Variants in GADL1 observed in about 807,000 individuals in gnomAD.
GADL1 encodes the protein acidic amino acid decarboxylase GADL1.
Under a neutral mutation model 69.5 loss-of-function variants are expected in GADL1, and 71 were observed. The ratio of observed to expected loss-of-function variants is 1.02; its 90% confidence interval spans 0.84 to 1.25. The LOEUF (loss-of-function observed/expected upper bound fraction) is 1.25. Ranked by LOEUF, GADL1 falls within the 50% of genes most tolerant of loss-of-function variation. The pLI, the probability that GADL1 is intolerant of heterozygous loss-of-function variation, is 0.00. For missense variants in GADL1, 737 were observed against 631.8 expected, an observed-to-expected ratio of 1.17 and a Z score of -1.79; for synonymous variants, 254 against 214.4, an observed-to-expected ratio of 1.18 and a Z score of -1.62.
chr3:30,816,752 G>C (rs1697484318), intron 11 of GADL1, among the ~76,000 whole-genome samples: 1 of 151,254 alleles, frequency 6.6e-6, no homozygotes, highest in Non-Finnish European at 1.5e-5. Context: ...CACCACGTTG[G>C]CCAGACTGGT....
At chr3:30,785,037 G>C (rs1696757562) in intron 13 of GADL1, among the ~76,000 whole-genome samples, 1 of 152,052 alleles carries the variant, frequency 6.6e-6, no homozygotes, top group Non-Finnish European at 1.5e-5. Context: ...TCAGGTCTCA[G>C]CTCAAAGATA....
chr3:30,758,893 G>A (rs1343266858), intron 14 of GADL1, among the ~76,000 whole-genome samples: 5 of 152,068 alleles, frequency 3.3e-5, no homozygotes, highest in African/African-American at 1.2e-4. Context: ...AATATATAGG[G>A]GATTTGAGTC....
rs929612045 is a variant in GADL1, at chr3:30,801,868, C to A, written c.1051-780G>T. 7.2e-5 allele frequency among the ~76,000 whole-genome samples: 11 copies of A among 152,164 alleles called. No individual in the cohort carries two copies. The East Asian group carries it at 1.9e-3, about 27-fold the overall frequency. On this transcript the variant is annotated intron_variant, in intron 11 of 14. Transcript: ENST00000282538. ...TCAATCATTTACAGCCCTGACAACT[C>A]CCCCAAAATATTTTAGATCCTTATG...
At chr3:30,864,319 T>C (rs1279346885) in intron 1 of GADL1, among the ~76,000 whole-genome samples, 1 of 151,850 alleles carries the variant, frequency 6.6e-6, no homozygotes, top group Non-Finnish European at 1.5e-5. Context: ...AGCAGCTCTA[T>C]AGCCTGCTCA....
chr3:30,864,511 C>G (rs1204290484), intron 1 of GADL1, among the ~76,000 whole-genome samples: 1 of 151,958 alleles, frequency 6.6e-6, no homozygotes, highest in African/African-American at 2.4e-5. Context: ...ACACAATTAT[C>G]TAGGAGAAAA....
chr3:30,781,211 A>T (rs1696658608), intron 13 of GADL1, among the ~76,000 whole-genome samples: 2 of 152,236 alleles, frequency 1.3e-5, no homozygotes, highest in Admixed American at 6.5e-5. Context: ...GTAATGTGCC[A>T]TTAAAGAATG....
In GADL1 at chr3:30,778,161, C is replaced by A. The variant is rs771154840; in HGVS notation, c.1392+18G>T. 12 of 1,385,580 alleles carry A rather than the reference C, an allele frequency of 8.7e-6. No homozygotes were observed. In the South Asian group the frequency reaches 1.4e-4, roughly 16 times the overall value. 85.8% of individuals were successfully genotyped at this position (1,385,580 alleles called of 1,614,324 possible). A position where few individuals can be genotyped will look rare whatever the true frequency, so the allele number is the denominator to read the frequency against. On this transcript the variant is annotated intron_variant, in intron 14 of 14. Transcript: ENST00000282538. ...TCTACTTCATCAAAAAGAAAAATAC[C>A]ATTTACTTATTACTTACCAAATTAA...
intron 14 of GADL1, among the ~76,000 whole-genome samples, chr3:30,760,158 A>AAG (rs1696093676): frequency 6.6e-6 from 1 of 152,168 alleles, no homozygotes; most frequent in Non-Finnish European, 1.5e-5. Flanking sequence ...CCAGAAAGAG[A>AAG]AGGCATACCC....
intron 13 of GADL1, among the ~76,000 whole-genome samples, 160 bp from the exon 14 acceptor site, chr3:30,778,428 T>C (rs904935038): frequency 6.6e-6 from 1 of 152,200 alleles, no homozygotes; most frequent in Non-Finnish European, 1.5e-5. Flanking sequence ...GCCTTCTTGA[T>C]AACATCCTAT....
intron 14 of GADL1, among the ~76,000 whole-genome samples, chr3:30,757,477 T>C (rs1187917767): frequency 3.9e-5 from 6 of 152,238 alleles, no homozygotes; most frequent in Admixed American, 3.9e-4. Flanking sequence ...AGTCTCTTTA[T>C]GAGCAGGTAT....
chr3:30,844,610 C>T, intron 6 of GADL1, 144 bp from the exon 7 acceptor site: 1 of 635,892 alleles, frequency 1.6e-6, no homozygotes, highest in Non-Finnish European at 2.8e-6. Context: ...TAATTGAGCT[C>T]CTTAGCATAG....
At chr3:30,837,115 CAGA>C (rs928003762) in intron 9 of GADL1, among the ~76,000 whole-genome samples, 2 of 151,310 alleles carry the variant, frequency 1.3e-5, no homozygotes, top group Non-Finnish European at 2.9e-5. Flanking sequence ...ACTGAAAACC[CAGA>C]AGAACAAGTA....
intron 1 of GADL1, among the ~76,000 whole-genome samples, chr3:30,894,349 T>C (rs994744659): frequency 7.9e-5 from 12 of 152,230 alleles, no homozygotes; most frequent in Admixed American, 4.6e-4. Context: ...CCGTTATGTC[T>C]TAGGCGCGGT....
At position 30,786,405 on chromosome 3, in the gene GADL1, AC is replaced by A; in HGVS notation, c.1251del (p.Arg417SerfsTer3). The A allele has an allele frequency of 7.0e-7, 1 of 1,431,358 alleles. No homozygotes were observed. Among genetic ancestry groups the A allele is most frequent in the Non-Finnish European group, 9.8e-7 (1 of 1,016,458 alleles). The allele number at this position is 1,431,358 out of a possible 1,614,324, so 88.7% of individuals were successfully genotyped here. ...CTTTTCTTGATTTCATCTACTAGGT[AC>A]CTAAAATTAAAAGTCACAATAATAT... ...ERVNRALALS[R>X]YLVDEIKKRE... On this transcript the variant is annotated frameshift_variant and splice_region_variant, in exon 13 of 15. Transcript: ENST00000282538. LOFTEE classifies it high-confidence loss of function.
At chr3:30,740,337 A>T (rs1695599137) in intron 14 of GADL1, among the ~76,000 whole-genome samples, 2 of 152,164 alleles carry the variant, frequency 1.3e-5, no homozygotes, top group Admixed American at 6.5e-5. Flanking sequence ...AGCTAAGGGA[A>T]TTCCTACATG....
chr3:30,809,939 C>G (rs148550985), intron 11 of GADL1, among the ~76,000 whole-genome samples: 206 of 152,242 alleles, frequency 1.4e-3, no homozygotes, highest in African/African-American at 4.7e-3. Flanking sequence ...TATAAGGAGA[C>G]AACAATCTTG....
chr3:30,809,331 G>C (rs535911722), intron 11 of GADL1, among the ~76,000 whole-genome samples: 7 of 152,236 alleles, frequency 4.6e-5, no homozygotes, highest in African/African-American at 1.7e-4. Context: ...AGCTTGGAGA[G>C]AGAACTTATT....
chr3:30,752,553 A>T (rs1311344604), intron 14 of GADL1, among the ~76,000 whole-genome samples: 5 of 151,862 alleles, frequency 3.3e-5, no homozygotes, highest in Non-Finnish European at 5.9e-5. Context: ...CACCATAACC[A>T]CTCATAAACC....
intron 1 of GADL1, among the ~76,000 whole-genome samples, chr3:30,867,822 G>A (rs998189384): frequency 6.6e-6 from 1 of 151,992 alleles, no homozygotes; most frequent in African/African-American, 2.4e-5. Flanking sequence ...AACAGCAATA[G>A]AAGATAATAA....
Sources: allele counts gnomAD v4.1 joint callset (sites outside exome capture counted in the v4.1 genomes callset), GRCh38; gene constraint gnomAD v4.1.1; transcripts MANE v1.5; gene names NCBI Gene and HGNC (gene_info 2026-07-23, HGNC 2026-07-21).